MCM10: variants seen among roughly 807,000 people sequenced by gnomAD.
The protein encoded by MCM10 is minichromosome maintenance 10 replication initiation factor.
A neutral mutation model predicts 109.9 loss-of-function variants in MCM10; 91 were observed. The observed-to-expected ratio is 0.83, with a 90% confidence interval of 0.70 to 0.99. The LOEUF (loss-of-function observed/expected upper bound fraction) is 0.99. MCM10 is among the 50% of genes least tolerant of loss of function. MCM10 has a pLI of 0.00. For synonymous variants in MCM10, 380 were observed against 387.2 expected (o/e 0.98, Z 0.22); for missense variants, 1,077 against 1,061.2 (o/e 1.01, Z -0.21).
intron 15 of MCM10, 101 bp downstream of exon 15, chr10:13,197,868 A>G (rs1834443214): frequency 1.7e-6 from 2 of 1,186,270 alleles, no homozygotes; most frequent in East Asian, 2.4e-5. Context: ...AATTACTTCC[A>G]TTTCCTCCTA....
At chr10:13,187,055 T>C (rs1175130732) in intron 9 of MCM10, among the ~76,000 whole-genome samples, 1 of 152,218 alleles carries the variant, frequency 6.6e-6, no homozygotes, top group Admixed American at 6.5e-5. Context: ...CACAGAGCTG[T>C]GCAACCATCA....
intron 8 of MCM10, among the ~76,000 whole-genome samples, chr10:13,183,477 C>T (rs1834235590): frequency 6.6e-6 from 1 of 152,120 alleles, no homozygotes; most frequent in African/African-American, 2.4e-5. Context: ...TTGTATTAGT[C>T]TACCTCCAGA....
chr10:13,208,514 G>T (rs570920816), intron 18 of MCM10, among the ~76,000 whole-genome samples: 1 of 143,902 alleles, frequency 6.9e-6, no homozygotes, highest in Admixed American at 7.4e-5. Flanking sequence ...CAGATCACTT[G>T]TGCCCAGGAG....
At chr10:13,191,147 A>G (rs978897861) in intron 10 of MCM10, 152 bp from the exon 11 acceptor site, 3 of 581,942 alleles carry the variant, frequency 5.2e-6, no homozygotes, top group Non-Finnish European at 9.3e-6. Context: ...CAGTTATGCT[A>G]TTGGGCCGTA....
intron 9 of MCM10, among the ~76,000 whole-genome samples, chr10:13,186,825 C>T (rs1364019534): frequency 2.0e-5 from 3 of 152,094 alleles, no homozygotes; most frequent in Admixed American, 6.6e-5. Context: ...AACCCCATCT[C>T]TACTAAAAAT....
intron 10 of MCM10, 152 bp from the exon 11 acceptor site, chr10:13,191,147 A>C (rs978897861): frequency 1.7e-6 from 1 of 582,060 alleles, no homozygotes; most frequent in Non-Finnish European, 3.1e-6. Context: ...CAGTTATGCT[A>C]TTGGGCCGTA....
chr10:13,162,121 TG>T (rs1564377446), intron 1 of MCM10, among the ~76,000 whole-genome samples: 1 of 152,162 alleles, frequency 6.6e-6, no homozygotes, highest in South Asian at 2.1e-4. Flanking sequence ...GAGAAGGACC[TG>T]GGGGGAGCTT....
At chr10:13,196,390 G>C (rs916101722) in intron 14 of MCM10, among the ~76,000 whole-genome samples, 8 of 152,264 alleles carry the variant, frequency 5.3e-5, no homozygotes, top group African/African-American at 1.9e-4. Flanking sequence ...AAAGCTTGCT[G>C]TATGCCAAAA....
chr10:13,189,037 T>A lies in MCM10; in HGVS notation c.1372T>A (p.Phe458Ile), dbSNP rs748841287. The A allele has an allele frequency of 6.2e-7, 1 of 1,614,212 alleles. No individual in the cohort carries two copies. Among genetic ancestry groups the A allele is most frequent in the Non-Finnish European group, 8.5e-7 (1 of 1,180,042 alleles). The part of the protein sequence containing the change: ...SLKERLCQDG[F>I]YYGGVSSASY... ...CAAAGAACGGCTGTGCCAAGATGGC[T>A]TTTACTACGGAGGGGTTTCTTCTGC... The change falls in exon 10 of 20, where the codon TTT becomes ATT. Residue 458 changes from phenylalanine (F) to isoleucine (I), a missense_variant. Transcript: ENST00000378714.
In MCM10 at chr10:13,188,977, A is replaced by T; in HGVS notation, c.1312A>T (p.Ile438Phe). The change falls in exon 10 of 20, where the codon ATT becomes TTT. Residue 438 changes from isoleucine to phenylalanine, a missense_variant. Transcript: ENST00000378714. The part of the protein sequence containing the change: ...DLQSTFSGGR[I>F]PKKFARRGTS... ...GCAGTCCACCTTCTCTGGAGGACGA[A>T]TTCCAAAGAAGTTTGCCCGCAGAGG... The T allele has an allele frequency of 1.2e-6, 2 of 1,614,230 alleles. No homozygotes were observed. The highest frequency in any genetic ancestry group is 1.7e-6 in the Non-Finnish European group (2 of 1,180,030).
chr10:13,197,535 C>G (rs1443854009), intron 14 of MCM10, 88 bp from the exon 15 acceptor site: 1 of 1,219,670 alleles, frequency 8.2e-7, no homozygotes, highest in African/African-American at 1.5e-5. Flanking sequence ...CCAGAATTCA[C>G]TGGTTACTAA....
In MCM10 at chr10:13,210,941, G is replaced by GA. The variant is rs1834653676; in HGVS notation, c.*1636dup. 1 of 152,064 alleles carries GA rather than the reference G, an allele frequency of 6.6e-6. No individual in the cohort carries two copies. Among genetic ancestry groups the GA allele is most frequent in the African/African-American group, 2.4e-5 (1 of 41,404 alleles). 9.4% of individuals were successfully genotyped at this position (152,064 alleles called of 1,614,324 possible). On this transcript the variant is annotated 3_prime_UTR_variant, in exon 20 of 20. Transcript: ENST00000378714. ...TGTCTGAGCAATCCCTTTCTTATGG[G>GA]AAAAACAATGTTCTTGTTTGAACAG...
At chr10:13,196,406 C>T (rs1185954718) in intron 14 of MCM10, among the ~76,000 whole-genome samples, 4 of 152,188 alleles carry the variant, frequency 2.6e-5, no homozygotes, top group African/African-American at 7.2e-5. Flanking sequence ...CAAAACCTTA[C>T]CTATAATAAT....
rs147326849 is a variant in MCM10 at position 13,172,636 on chromosome 10, C to T, written c.463C>T (p.Pro155Ser). ...ARLQKSPEKSPRPPLKERRVQ... is the reference protein window; with the variant it reads ...ARLQKSPEKSSRPPLKERRVQ... ...TACTTTTGATTAAGTAGAGAAGTCT[C>T]CCCGGCCACCTCTTAAGGAGAGGAG... The change falls in exon 5 of 20, where the codon CCC (proline) becomes TCC (serine). Residue 155 changes from proline (P) to serine (S), a missense_variant. Pro to Ser is a moderately conservative substitution (Grantham distance 74, BLOSUM62 -1). Transcript: ENST00000378714. This position sits in a 1 kb window ranked among gnomAD's most constrained non-coding sequence, Gnocchi z 5.2. 116 of 1,614,078 alleles carry T rather than the reference C, an allele frequency of 7.2e-5. No individual in the cohort carries two copies. The African/African-American group carries it at 1.1e-3, about 16-fold the overall frequency.
At chr10:13,196,304 C>T (rs1340826374) in intron 14 of MCM10, among the ~76,000 whole-genome samples, 1 of 152,160 alleles carries the variant, frequency 6.6e-6, no homozygotes, top group East Asian at 1.9e-4. Context: ...CCCAGAGCCC[C>T]ACCTGCCCAC....
In MCM10 at chr10:13,190,323, T is replaced by G. The variant is rs372810231; in HGVS notation, c.1416-976T>G. Among the ~76,000 whole-genome samples the G allele has an allele frequency of 2.0e-5, 3 of 152,316 alleles. No homozygotes were observed. In the East Asian group the frequency reaches 5.8e-4, roughly 29 times the overall value. On this transcript the variant is annotated intron_variant, in intron 10 of 19. Coordinates refer to ENST00000378714, the MANE Select transcript of MCM10 (RefSeq NM_018518.5). The stretch of plus-strand genomic sequence containing the variant: ...AAAACAATACATGTATATTAGTCTT[T>G]TAAAAGAACATACAATCCAACCAAT...
chr10:13,207,429 A>C (rs1834597718), intron 18 of MCM10, among the ~76,000 whole-genome samples: 1 of 151,980 alleles, frequency 6.6e-6, no homozygotes, highest in East Asian at 1.9e-4. Flanking sequence ...CAGTCTCTAG[A>C]GGTGGAAGGT....
Position 13,198,671 on chromosome 10 carries a change from T to G in MCM10, c.2120-18T>G, listed in dbSNP as rs746346743. ...GAAATTTCTTGGTCGCTGCTAATGT[T>G]TGTTCCTTGTGCCCTAGCTGAGGAT... is the stretch of plus-strand genomic sequence containing the variant. On this transcript the variant is annotated intron_variant, in intron 15 of 19. Transcript: ENST00000378714. 1 of 1,548,770 alleles carries G rather than the reference T, an allele frequency of 6.5e-7. No homozygotes were observed. The highest frequency in any genetic ancestry group is 8.9e-7 in the Non-Finnish European group (1 of 1,121,008).
At chr10:13,191,835 T>C (rs1391911074) in intron 11 of MCM10, among the ~76,000 whole-genome samples, 1 of 152,200 alleles carries the variant, frequency 6.6e-6, no homozygotes, top group Non-Finnish European at 1.5e-5. Flanking sequence ...ATTATCTTCC[T>C]GGCCAAGCTT....
Sources: gnomAD v4.1 joint callset for allele counts (sites outside exome capture counted in the v4.1 genomes callset) on GRCh38, gnomAD v4.1.1 for gene constraint, Gnocchi (gnomAD v3.1) non-coding constraint, MANE v1.5 for transcripts, NCBI Gene and HGNC (gene_info 2026-07-23, HGNC 2026-07-21) for gene names.